PIP5KL1: variants seen among roughly 807,000 people sequenced by gnomAD.
The protein encoded by PIP5KL1 is phosphatidylinositol-4-phosphate 5-kinase like 1.
A neutral mutation model predicts 47.6 loss-of-function variants in PIP5KL1; 45 were observed. The observed-to-expected ratio is 0.94, with a 90% CI of 0.74 to 1.21. The LOEUF (loss-of-function observed/expected upper bound fraction) is 1.21, where lower values mean the gene tolerates loss of function less well. PIP5KL1 is among the 50% of genes most tolerant of loss of function. PIP5KL1 has a pLI of 0.00. For synonymous variants in PIP5KL1, 256 were observed against 234.6 expected (o/e 1.09, Z -0.84); for missense variants, 577 against 547.6 (o/e 1.05, Z -0.54).
At chr9:127,925,724 A>C (rs1301240372) in intron 8 of PIP5KL1, 143 bp downstream of exon 8, 12 of 709,716 alleles carry the variant, frequency 1.7e-5, no homozygotes, top group Non-Finnish European at 2.7e-5. Flanking sequence ...TCGGCCTCCC[A>C]AAGTGCTGGA....
At chr9:127,924,247 T>G (rs977667361) in intron 9 of PIP5KL1, among the ~76,000 whole-genome samples, 2 of 151,970 alleles carry the variant, frequency 1.3e-5, no homozygotes, top group African/African-American at 4.8e-5. Flanking sequence ...CCCAGCACTT[T>G]GGGAGGCCGA....
In PIP5KL1 at chr9:127,929,343, TG is replaced by T. The variant is rs1193417378; in HGVS notation, c.228+344del. ...GAGAGGATGGGCTAGGCCAGCAGGG[TG>T]GGGGTGGGGGTCCCTTTTCAACCAT... On this transcript the variant is annotated intron_variant, in intron 2 of 9. Coordinates refer to ENST00000388747, the MANE Select transcript of PIP5KL1 (RefSeq NM_001135219.2). This position sits in a 1 kb window ranked among gnomAD's most constrained non-coding sequence, Gnocchi z 4.0. Among the ~76,000 whole-genome samples the T allele has an allele frequency of 1.3e-5, 2 of 151,750 alleles. No individual in the cohort carries two copies. Among genetic ancestry groups the T allele is most frequent in the African/African-American group, 4.8e-5 (2 of 41,258 alleles).
At position 127,927,984 on chromosome 9, in the gene PIP5KL1, G is replaced by A; in HGVS notation, c.434+81C>T. 6.9e-7 allele frequency: 1 copy of A among 1,454,150 alleles called. No homozygotes were observed. The highest frequency in any genetic ancestry group is 1.4e-5 in the African/African-American group (1 of 69,750). The allele number at this position is 1,454,150 out of a possible 1,614,324, so 90.1% of individuals were successfully genotyped here. A position where few individuals can be genotyped will look rare whatever the true frequency, so the allele number is the denominator to read the frequency against. On this transcript the variant is annotated intron_variant, in intron 4 of 9. Coordinates refer to ENST00000388747, the MANE Select transcript of PIP5KL1 (RefSeq NM_001135219.2). The surrounding 1 kb of genome is among the most constrained non-coding windows in gnomAD (Gnocchi z 5.5). ...GCCGCTCTGTTTCTCTCTTCAGGGG[G>A]CCTTCCCCGCCACTGGGAATTCTGC...
In PIP5KL1 at chr9:127,927,916, C is replaced by G; in HGVS notation, c.435-144G>C. The G allele has an allele frequency of 6.8e-7, 1 of 1,466,208 alleles. No homozygotes were observed. Among genetic ancestry groups the G allele is most frequent in the Non-Finnish European group, 9.1e-7 (1 of 1,101,702 alleles). The allele number at this position is 1,466,208 out of a possible 1,614,324, so 90.8% of individuals were successfully genotyped here. A position where few individuals can be genotyped will look rare whatever the true frequency, so the allele number is the denominator to read the frequency against. On this transcript the variant is annotated intron_variant, in intron 4 of 9. Coordinates refer to ENST00000388747, the MANE Select transcript of PIP5KL1 (RefSeq NM_001135219.2). The surrounding 1 kb of genome is among the most constrained non-coding windows in gnomAD (Gnocchi z 5.5). ...CCTTCGGCCCTCGCCCTCCTCTCCT[C>G]CCCGATCTGTCCACCATCCGGCCCT...
chr9:127,927,095 T>C lies in PIP5KL1; in HGVS notation c.650+58A>G. 1 of 1,516,476 alleles carries C rather than the reference T, an allele frequency of 6.6e-7. No individual in the cohort carries two copies. Among genetic ancestry groups the C allele is most frequent in the Non-Finnish European group, 9.0e-7 (1 of 1,114,684 alleles). 93.9% of individuals were successfully genotyped at this position (1,516,476 alleles called of 1,614,324 possible). ...TCACCGTCTGGCTAGTGAGTGTGGG[T>C]GCTTCGGGCCGCGAGTTTCGGCTGG... is the stretch of plus-strand genomic sequence containing the variant. On this transcript the variant is annotated intron_variant, in intron 7 of 9. Transcript: ENST00000388747. The surrounding 1 kb of genome is among the most constrained non-coding windows in gnomAD (Gnocchi z 5.5).
intron 9 of PIP5KL1, among the ~76,000 whole-genome samples, chr9:127,923,319 A>G (rs1036941161): frequency 5.9e-5 from 9 of 152,294 alleles, no homozygotes; most frequent in Non-Finnish European, 1.2e-4. Context: ...GAGAGTCTGA[A>G]CAGAATGCTG....
chr9:127,926,027 G>A, intron 7 of PIP5KL1, 48 bp from the exon 8 acceptor site: 1 of 1,400,822 alleles, frequency 7.1e-7, no homozygotes, highest in Non-Finnish European at 1.0e-6. Context: ...GAGACACAGA[G>A]AGAATCTCAC....
At chr9:127,923,516 G>A (rs557616504) in intron 9 of PIP5KL1, among the ~76,000 whole-genome samples, 2 of 152,378 alleles carry the variant, frequency 1.3e-5, no homozygotes, top group African/African-American at 4.8e-5. Context: ...GCTAGGGGGA[G>A]AGGGCAAGGG....
At chr9:127,922,709 AAAG>A (rs1370869086) in intron 9 of PIP5KL1, among the ~76,000 whole-genome samples, 9 of 140,592 alleles carry the variant, frequency 6.4e-5, no homozygotes, top group South Asian at 2.2e-4. Context: ...AAAAAAAAAA[AAAG>A]AAAAAAGAAA....
In PIP5KL1 at chr9:127,927,270, C is replaced by G. The variant is rs536354970; in HGVS notation, c.594+27G>C. Reference sequence around the variant, plus strand: ...TCGCCCTCCAGCCGCCCGCTCCGCCCAGCCACCTCGCCTCGGCTTCACCCA... The same window carrying G: ...TCGCCCTCCAGCCGCCCGCTCCGCCGAGCCACCTCGCCTCGGCTTCACCCA... On this transcript the variant is annotated intron_variant, in intron 6 of 9. Transcript: ENST00000388747. The surrounding 1 kb of genome is among the most constrained non-coding windows in gnomAD (Gnocchi z 5.5). 6.2e-7 allele frequency: 1 copy of G among 1,611,670 alleles called. No individual in the cohort carries two copies. The highest frequency in any genetic ancestry group is 1.3e-5 in the African/African-American group (1 of 75,014).
In PIP5KL1 at chr9:127,927,890, GC is replaced by G; in HGVS notation, c.435-119del. 6.7e-7 allele frequency: 1 copy of G among 1,488,238 alleles called. No individual in the cohort carries two copies. Among genetic ancestry groups the G allele is most frequent in the South Asian group, 1.3e-5 (1 of 78,344 alleles). The allele number at this position is 1,488,238 out of a possible 1,614,324, so 92.2% of individuals were successfully genotyped here. A position where few individuals can be genotyped will look rare whatever the true frequency, so the allele number is the denominator to read the frequency against. On this transcript the variant is annotated intron_variant, in intron 4 of 9. Transcript: ENST00000388747. The surrounding 1 kb of genome is among the most constrained non-coding windows in gnomAD (Gnocchi z 5.5). Reference sequence around the variant, plus strand: ...CCCAGGTCTCGGCACCGCCTCTCTCGCCTTCGGCCCTCGCCCTCCTCTCCTC... The same window carrying G: ...CCCAGGTCTCGGCACCGCCTCTCTCGCTTCGGCCCTCGCCCTCCTCTCCTC...
chr9:127,925,953 C>T lies in PIP5KL1; in HGVS notation c.677G>A (p.Ser226Asn). 6.2e-7 allele frequency: 1 copy of T among 1,613,846 alleles called. No homozygotes were observed. Among genetic ancestry groups the T allele is most frequent in the Non-Finnish European group, 8.5e-7 (1 of 1,179,896 alleles). Residue 226 changes from serine to asparagine, a missense_variant, in exon 8 of 10, where the codon AGC becomes AAC. Physicochemically the swap from Ser to Asn is conservative, Grantham distance 46. Coordinates refer to ENST00000388747, the MANE Select transcript of PIP5KL1 (RefSeq NM_001135219.2). ...CTCAGGGGCGGGATCCACCCAGCGG[C>T]TCACCTCGCAGCCTTTGATGTCATA... ...ERYDIKGCEV[S>N]RWVDPAPEGS...
intron 8 of PIP5KL1, chr9:127,925,647 G>A (rs934719316): frequency 1.1e-5 from 6 of 547,310 alleles, no homozygotes; most frequent in East Asian, 3.2e-5. Context: ...TGTGTTTTTC[G>A]TAGAGACAGA....
Position 127,922,039 on chromosome 9 carries a change from G to T in PIP5KL1, c.993C>A (p.Ala331=). 1 of 1,568,730 alleles carries T rather than the reference G, an allele frequency of 6.4e-7. No homozygotes were observed. Reference sequence around the variant, plus strand: ...GCTCGGGCCCGTCCAGGATGTGTAGGGCGTTGGGGGCGTCGGGCAGCAGCC... The same window carrying T: ...GCTCGGGCCCGTCCAGGATGTGTAGTGCGTTGGGGGCGTCGGGCAGCAGCC... ...NRRLLPDAPN[A]LHILDGPEQR... is the part of the protein sequence containing the mutation. The change falls in exon 10 of 10, where the codon GCC becomes GCA. Residue 331 remains alanine, a synonymous_variant. Coordinates refer to ENST00000388747, the MANE Select transcript of PIP5KL1 (RefSeq NM_001135219.2).
At chr9:127,925,392 GCCTTGGTCA>G in intron 8 of PIP5KL1, 132 bp from the exon 9 acceptor site, 3 of 1,128,230 alleles carry the variant, frequency 2.7e-6, no homozygotes, top group Non-Finnish European at 3.7e-6. Context: ...TCTGTAATTT[GCCTTGGTCA>G]CTTAGCTAGG....
Position 127,927,476 on chromosome 9 carries a change from G to A in PIP5KL1, c.560-145C>T. ...CCTTGGCTGGTCCGGATCCCGACCCGATCCCACCCCTAAACACAGCCCCAG... is the reference window on the plus strand; with the variant it reads ...CCTTGGCTGGTCCGGATCCCGACCCAATCCCACCCCTAAACACAGCCCCAG... On this transcript the variant is annotated intron_variant, in intron 5 of 9. Coordinates refer to ENST00000388747, the MANE Select transcript of PIP5KL1 (RefSeq NM_001135219.2). This position sits in a 1 kb window ranked among gnomAD's most constrained non-coding sequence, Gnocchi z 5.5. 7 of 1,393,142 alleles carry A rather than the reference G, an allele frequency of 5.0e-6. No individual in the cohort carries two copies. The highest frequency in any genetic ancestry group is 2.7e-5 in the East Asian group (1 of 37,476). The allele number at this position is 1,393,142 out of a possible 1,614,324, so 86.3% of individuals were successfully genotyped here.
chr9:127,929,817 G>A lies in PIP5KL1; in HGVS notation c.99C>T (p.Arg33=), dbSNP rs1377877876. The A allele has an allele frequency of 6.4e-7, 1 of 1,550,428 alleles. No homozygotes were observed. The highest frequency in any genetic ancestry group is 8.7e-7 in the Non-Finnish European group (1 of 1,147,598). ...CCAGGCGAGACTGCTTGTCTCGGAG[G>A]CGCCAGAGAAGCCCCCGCCGGCTGG... The part of the protein sequence containing the change: ...VTSSRRGLLW[R]LRDKQSRLGL... Residue 33 remains arginine (R), a synonymous_variant, in exon 2 of 10, where the codon CGC becomes CGT. Coordinates refer to ENST00000388747, the MANE Select transcript of PIP5KL1 (RefSeq NM_001135219.2). This position sits in a 1 kb window ranked among gnomAD's most constrained non-coding sequence, Gnocchi z 4.0.
chr9:127,928,102 G>C lies in PIP5KL1; in HGVS notation c.397C>G (p.Leu133Val). 1 of 1,573,390 alleles carries C rather than the reference G, an allele frequency of 6.4e-7. No individual in the cohort carries two copies. The highest frequency in any genetic ancestry group is 8.6e-7 in the Non-Finnish European group (1 of 1,161,296). The change falls in exon 4 of 10, where the codon CTC becomes GTC. Residue 133 changes from leucine to valine, a missense_variant. Coordinates refer to ENST00000388747, the MANE Select transcript of PIP5KL1 (RefSeq NM_001135219.2). ...LGPGGPYLQFLSTSKSKASFF... is the reference protein window; with the variant it reads ...LGPGGPYLQFVSTSKSKASFF... ...CTGGCCTTGCTCTTGGAGGTGCTGA[G>C]GAACTGCAGGTAGGGGCCGCCGGGG...
At position 127,921,725 on chromosome 9, in the gene PIP5KL1, A is replaced by AG. The variant is rs1831282794; in HGVS notation, c.*121dup. ...GGACTGCGCGGTTACGGTATTAGTT[A>AG]GGGGATGCTGCCCTCTGGCGACCAT... On this transcript the variant is annotated 3_prime_UTR_variant, in exon 10 of 10. Coordinates refer to ENST00000388747, the MANE Select transcript of PIP5KL1 (RefSeq NM_001135219.2). 5.2e-6 allele frequency: 7 copies of AG among 1,336,344 alleles called. No homozygotes were observed. Among genetic ancestry groups the AG allele is most frequent in the Middle Eastern group, 2.7e-4 (1 of 3,706 alleles). 82.8% of individuals were successfully genotyped at this position (1,336,344 alleles called of 1,614,324 possible).
Sources: allele counts gnomAD v4.1 joint callset (sites outside exome capture counted in the v4.1 genomes callset), GRCh38; gene constraint gnomAD v4.1.1; non-coding constraint Gnocchi (gnomAD v3.1); transcripts MANE v1.5; gene names NCBI Gene and HGNC (gene_info 2026-07-23, HGNC 2026-07-21).